The following MTUS2 variants were observed in gnomAD, a reference collection of about 807,000 sequenced individuals.
MTUS2 encodes microtubule associated scaffold protein 2.
In MTUS2, 40 loss-of-function variants were observed where a neutral mutation model predicts 114.1. That is an observed-to-expected ratio of 0.35 (90% CI 0.27 to 0.46). The LOEUF is 0.46. MTUS2 is among the 20% of genes least tolerant of loss of function. The pLI, the probability that MTUS2 is intolerant of heterozygous loss-of-function variation, is 1.00. For missense variants in MTUS2, 1,679 were observed against 1,705.4 expected (o/e 0.98, Z 0.27); for synonymous variants, 688 against 672.0 (o/e 1.02, Z -0.37).
chr13:29,427,563 C>T (rs528698850), intron 8 of MTUS2, among the ~76,000 whole-genome samples: 2 of 152,308 alleles, frequency 1.3e-5, no homozygotes, highest in African/African-American at 4.8e-5. Flanking sequence ...GCTAATTTAC[C>T]TGTTAGCTTT....
chr13:29,037,214 A>G (rs1179968515), intron 4 of MTUS2, among the ~76,000 whole-genome samples: 3 of 152,236 alleles, frequency 2.0e-5, no homozygotes, highest in Non-Finnish European at 4.4e-5. Context: ...TGGTGGTGAC[A>G]CAATCTCTCA....
At chr13:29,478,958 C>T (rs1027025649) in intron 9 of MTUS2, among the ~76,000 whole-genome samples, 1 of 152,176 alleles carries the variant, frequency 6.6e-6, no homozygotes, top group African/African-American at 2.4e-5. Flanking sequence ...CGTTAACATC[C>T]CTTATGCTAA....
intron 8 of MTUS2, among the ~76,000 whole-genome samples, chr13:29,417,678 T>C (rs1056282945): frequency 1.5e-4 from 23 of 152,198 alleles, no homozygotes; most frequent in Non-Finnish European, 3.1e-4. Flanking sequence ...ATATTTTTGT[T>C]CTTTGTCCAT....
At chr13:28,956,079 TC>T (rs1883050534) in intron 2 of MTUS2, among the ~76,000 whole-genome samples, 1 of 129,008 alleles carries the variant, frequency 7.8e-6, no homozygotes, top group African/African-American at 2.9e-5. Context: ...TTCCCCCAAG[TC>T]CCCAAAGTCC....
At chr13:28,878,705 C>T (rs1392447997) in intron 2 of MTUS2, among the ~76,000 whole-genome samples, 1 of 152,156 alleles carries the variant, frequency 6.6e-6, no homozygotes, top group Middle Eastern at 3.2e-3. Context: ...TGTATATGTA[C>T]CACGTTTTCT....
intron 2 of MTUS2, among the ~76,000 whole-genome samples, chr13:28,893,618 C>A (rs1229729680): frequency 6.6e-6 from 1 of 152,142 alleles, no homozygotes. Flanking sequence ...CTGAAACTTT[C>A]TGAAATATAG....
intron 4 of MTUS2, among the ~76,000 whole-genome samples, chr13:29,040,980 C>T (rs762636012): frequency 3.9e-5 from 6 of 151,984 alleles, no homozygotes; most frequent in Non-Finnish European, 5.9e-5. Flanking sequence ...AGCTATTTAT[C>T]TCTGTTTTTT....
chr13:28,831,732 CCTTT>C (rs994558092), intron 1 of MTUS2, among the ~76,000 whole-genome samples: 2 of 143,022 alleles, frequency 1.4e-5, no homozygotes, highest in African/African-American at 2.5e-5. Context: ...TCCCTTCCTT[CCTTT>C]CTTCCTTCCT....
chr13:29,024,740 G>C lies in MTUS2; in HGVS notation c.42G>C (p.Gln14His), dbSNP rs1886432485. 3 of 1,613,884 alleles carry C rather than the reference G, an allele frequency of 1.9e-6. No individual in the cohort carries two copies. In the African/African-American group the frequency reaches 4.0e-5, roughly 22 times the overall value. Residue 14 changes from glutamine (Q) to histidine (H), a missense_variant, in exon 3 of 16, where the codon CAG becomes CAC. By Grantham distance (24) the Gln-to-His change is conservative (BLOSUM62 0). This residue lies in a region of MTUS2 where 843 missense variants were observed against 770.8 expected (regional missense o/e 1.09). Coordinates refer to ENST00000612955, the MANE Select transcript of MTUS2 (RefSeq NM_001033602.4). ...PVAPKKSCYT[Q>H]LRDNRNAARN... The stretch of plus-strand genomic sequence containing the variant: ...CTCCTAAGAAATCATGTTACACTCA[G>C]TTGCGGGACAACAGAAATGCAGCAA...
At chr13:29,434,030 C>T (rs962842846) in intron 8 of MTUS2, among the ~76,000 whole-genome samples, 4 of 151,986 alleles carry the variant, frequency 2.6e-5, no homozygotes, top group Admixed American at 1.3e-4. Flanking sequence ...CTGATCCACA[C>T]GGATTTCAGA....
chr13:29,261,470 A>G (rs1418405591), intron 5 of MTUS2, among the ~76,000 whole-genome samples: 1 of 152,246 alleles, frequency 6.6e-6, no homozygotes, highest in Non-Finnish European at 1.5e-5. Context: ...CTAAAGCAGT[A>G]TCTGACATGT....
chr13:29,039,461 C>T (rs1020180548), intron 4 of MTUS2, among the ~76,000 whole-genome samples: 2 of 152,220 alleles, frequency 1.3e-5, no homozygotes, highest in Admixed American at 6.5e-5. Context: ...AGGGACGTCA[C>T]AGGGCGCAGC....
intron 2 of MTUS2, among the ~76,000 whole-genome samples, chr13:28,893,847 A>G (rs1879071949): frequency 6.6e-6 from 1 of 152,198 alleles, no homozygotes; most frequent in Non-Finnish European, 1.5e-5. Context: ...TGTCATGTGC[A>G]GATTTGCAAA....
In MTUS2 at chr13:28,888,961, T is replaced by C. The variant is rs573259536; in HGVS notation, c.-243+49111T>C. Reference sequence around the variant, plus strand: ...AAAGATTAAAGGATAAGAAATAAAATTGTATGCTAGCATGAACCATCCCCT... The same window carrying C: ...AAAGATTAAAGGATAAGAAATAAAACTGTATGCTAGCATGAACCATCCCCT... On this transcript the variant is annotated intron_variant, in intron 2 of 15. Transcript: ENST00000612955. 2.8e-3 allele frequency among the ~76,000 whole-genome samples: 426 copies of C among 152,250 alleles called. 2 individuals carry two copies. Among genetic ancestry groups the C allele is most frequent in the Non-Finnish European group, 4.6e-3 (313 of 68,018 alleles).
chr13:29,444,222 G>A (rs1878109234), intron 9 of MTUS2, among the ~76,000 whole-genome samples: 1 of 152,118 alleles, frequency 6.6e-6, no homozygotes, highest in African/African-American at 2.4e-5. Flanking sequence ...TCAGGAGTTG[G>A]AGACCAGCCT....
At chr13:29,008,435 G>A (rs534245583) in intron 2 of MTUS2, among the ~76,000 whole-genome samples, 10 of 152,222 alleles carry the variant, frequency 6.6e-5, no homozygotes, top group African/African-American at 2.4e-4. Context: ...ATCTGAACTG[G>A]TTCATCTCTG....
intron 2 of MTUS2, among the ~76,000 whole-genome samples, chr13:28,862,300 G>C (rs17072345): frequency 0.06 from 9,068 of 152,248 alleles, 911 homozygotes; most frequent in African/African-American, 0.2. Context: ...TCAAACATTA[G>C]AAAAGCCAGA....
intron 5 of MTUS2, among the ~76,000 whole-genome samples, chr13:29,128,057 G>C (rs1891594975): frequency 6.6e-6 from 1 of 152,168 alleles, no homozygotes; most frequent in Admixed American, 6.6e-5. Context: ...GTATTAGAAA[G>C]GTGTCTAAGT....
At chr13:28,916,189 TG>T in intron 2 of MTUS2, among the ~76,000 whole-genome samples, 1 of 152,008 alleles carries the variant, frequency 6.6e-6, no homozygotes, top group East Asian at 1.9e-4. Flanking sequence ...ATACTGTTTT[TG>T]TTATGATAGC....
Sources: allele counts gnomAD v4.1 joint callset (sites outside exome capture counted in the v4.1 genomes callset), GRCh38; gene constraint gnomAD v4.1.1; regional missense constraint gnomAD v4.1.1; transcripts MANE v1.5; gene names NCBI Gene and HGNC (gene_info 2026-07-23, HGNC 2026-07-21).